Variants in LRRTM3 observed in about 807,000 individuals in gnomAD.
LRRTM3 encodes leucine rich repeat transmembrane neuronal 3.
LRRTM3 carries 24 observed loss-of-function variants against 44.7 expected under a neutral mutation model. The ratio of observed to expected loss-of-function variants is 0.54; its 90% CI spans 0.39 to 0.76. The LOEUF is 0.76. Ranked by LOEUF, LRRTM3 falls within the 30% of genes least tolerant of loss-of-function variation. The probability of loss-of-function intolerance (pLI) is 0.00; values close to 1 mark genes in which losing one functional copy is unlikely to be tolerated. For missense variants in LRRTM3, 587 were observed against 702.2 expected (o/e 0.84, Z 1.85); for synonymous variants, 277 against 278.7 (o/e 0.99, Z 0.06).
intron 2 of LRRTM3, among the ~76,000 whole-genome samples, chr10:67,058,619 G>C (rs1855577584): frequency 6.6e-6 from 1 of 151,710 alleles, no homozygotes; most frequent in African/African-American, 2.4e-5. Flanking sequence ...TTTTTTTTCT[G>C]TGCGCAGAAG....
At chr10:66,950,818 G>C (rs1035019299) in intron 2 of LRRTM3, among the ~76,000 whole-genome samples, 1 of 152,160 alleles carries the variant, frequency 6.6e-6, no homozygotes, top group African/African-American at 2.4e-5. Context: ...GAGGGGCATA[G>C]AGAGAGATTT....
intron 2 of LRRTM3, among the ~76,000 whole-genome samples, chr10:67,010,125 G>A (rs984369758): frequency 6.6e-6 from 1 of 152,060 alleles, no homozygotes; most frequent in East Asian, 1.9e-4. Flanking sequence ...ACTCTAACTA[G>A]TACTATGGCA....
chr10:66,929,316 C>T (rs1164821188), intron 2 of LRRTM3, among the ~76,000 whole-genome samples: 3 of 152,126 alleles, frequency 2.0e-5, no homozygotes, highest in Admixed American at 6.5e-5. Flanking sequence ...ATAAGGTTCG[C>T]GAATGGGAAA....
At chr10:66,972,497 T>C (rs997280165) in intron 2 of LRRTM3, among the ~76,000 whole-genome samples, 2 of 152,150 alleles carry the variant, frequency 1.3e-5, no homozygotes, top group South Asian at 4.2e-4. Context: ...TTCCTCTTAC[T>C]TCTGCATAAA....
chr10:67,058,799 A>C (rs549800319), intron 2 of LRRTM3, among the ~76,000 whole-genome samples: 1 of 152,256 alleles, frequency 6.6e-6, no homozygotes, highest in East Asian at 1.9e-4. Context: ...GCATCTACAA[A>C]CCAGAAAATC....
At chr10:67,085,426 A>G (rs934213189) in intron 2 of LRRTM3, among the ~76,000 whole-genome samples, 2 of 151,946 alleles carry the variant, frequency 1.3e-5, no homozygotes, top group Non-Finnish European at 2.9e-5. Context: ...AGTAAAAAAC[A>G]TAGGTAAGAC....
At chr10:66,996,509 G>A (rs992742513) in intron 2 of LRRTM3, among the ~76,000 whole-genome samples, 5 of 151,890 alleles carry the variant, frequency 3.3e-5, no homozygotes, top group Admixed American at 6.6e-5. Flanking sequence ...CTAGCCGGGC[G>A]TGGTGGCGCG....
intron 2 of LRRTM3, among the ~76,000 whole-genome samples, chr10:67,036,291 C>G (rs1337075535): frequency 6.6e-6 from 1 of 151,016 alleles, no homozygotes; most frequent in Non-Finnish European, 1.5e-5. Context: ...TTTTTTGAGA[C>G]AGAGTTTTGC....
rs570365394 is a variant in LRRTM3 at position 67,101,542 on chromosome 10, G to A, written c.*3746G>A. 3.3e-5 allele frequency among the ~76,000 whole-genome samples: 5 copies of A among 151,546 alleles called. No homozygotes were observed. The highest frequency in any genetic ancestry group is 5.9e-5 in the Non-Finnish European group (4 of 67,782). On this transcript the variant is annotated 3_prime_UTR_variant, in exon 3 of 3. Coordinates refer to ENST00000361320, the MANE Select transcript of LRRTM3 (RefSeq NM_178011.5). The stretch of plus-strand genomic sequence containing the variant: ...TAACTTGCAAATAATATATTTTACT[G>A]ATCAACTCATTTTTGTCAAGTCTCT...
chr10:67,076,768 A>G lies in LRRTM3; in HGVS notation c.1537-20819A>G, dbSNP rs974811023. Among the ~76,000 whole-genome samples the G allele has an allele frequency of 1.8e-4, 28 of 152,294 alleles. 1 individual carries two copies. The highest frequency in any genetic ancestry group is 3.4e-3 in the Middle Eastern group (1 of 294). On this transcript the variant is annotated intron_variant, in intron 2 of 2. Coordinates refer to ENST00000361320, the MANE Select transcript of LRRTM3 (RefSeq NM_178011.5). ...AAAATACTACAACATAAACTAAGAG[A>G]AACTTTCAAAAGCAATGTTCAACTT...
At chr10:67,072,841 T>C (rs1856542089) in intron 2 of LRRTM3, among the ~76,000 whole-genome samples, 1 of 150,464 alleles carries the variant, frequency 6.6e-6, no homozygotes, top group Non-Finnish European at 1.5e-5. Context: ...CCAAGTCCTT[T>C]TGTTTGTTTA....
chr10:67,033,466 T>A (rs1046745906), intron 2 of LRRTM3, among the ~76,000 whole-genome samples: 6 of 152,114 alleles, frequency 3.9e-5, no homozygotes, highest in Non-Finnish European at 8.8e-5. Flanking sequence ...TCAGAAAAAA[T>A]TCACCTGAAA....
chr10:66,943,762 C>T (rs61866210), intron 2 of LRRTM3, among the ~76,000 whole-genome samples: 5,579 of 152,164 alleles, frequency 0.037, 139 homozygotes, highest in Middle Eastern at 0.078. Context: ...AAGTGCATAT[C>T]GCAATAAAAT....
At chr10:67,004,712 T>C (rs10997481) in intron 2 of LRRTM3, among the ~76,000 whole-genome samples, 79,634 of 152,078 alleles carry the variant, frequency 0.52, 21,569 homozygotes, top group Middle Eastern at 0.73. Flanking sequence ...GTATACTCAC[T>C]GATAAATGCC....
intron 2 of LRRTM3, among the ~76,000 whole-genome samples, chr10:66,964,853 A>G (rs1470787049): frequency 6.6e-6 from 1 of 152,206 alleles, no homozygotes; most frequent in African/African-American, 2.4e-5. Flanking sequence ...CTCACAGAAA[A>G]GTCAAGTTCA....
chr10:66,970,140 C>T (rs1370789556), intron 2 of LRRTM3, among the ~76,000 whole-genome samples: 1 of 152,086 alleles, frequency 6.6e-6, no homozygotes, highest in Non-Finnish European at 1.5e-5. Flanking sequence ...TCTTTAAACC[C>T]ACACAAAAAT....
chr10:67,017,809 A>C (rs912829794), intron 2 of LRRTM3, among the ~76,000 whole-genome samples: 21 of 151,818 alleles, frequency 1.4e-4, no homozygotes, highest in African/African-American at 5.1e-4. Flanking sequence ...TCACTCTGTC[A>C]CCCAGGCTGG....
intron 2 of LRRTM3, among the ~76,000 whole-genome samples, chr10:67,083,791 T>C (rs534393883): frequency 3.9e-5 from 6 of 152,298 alleles, no homozygotes; most frequent in Admixed American, 1.3e-4. Context: ...CCCATAGACA[T>C]TGGGATGGTT....
At chr10:66,962,981 T>A (rs1849201995) in intron 2 of LRRTM3, among the ~76,000 whole-genome samples, 1 of 152,108 alleles carries the variant, frequency 6.6e-6, no homozygotes, top group Admixed American at 6.5e-5. Flanking sequence ...GTTGACTGAA[T>A]GAATGAATGA....
Sources: allele counts gnomAD v4.1 joint callset (sites outside exome capture counted in the v4.1 genomes callset), GRCh38; gene constraint gnomAD v4.1.1; transcripts MANE v1.5; gene names NCBI Gene and HGNC (gene_info 2026-07-23, HGNC 2026-07-21).